HIVEP1: variants seen among roughly 807,000 people sequenced by gnomAD.
HIVEP1 encodes the protein HIVEP zinc finger 1.
Under a neutral mutation model 180.0 loss-of-function variants are expected in HIVEP1, and 36 were observed. The observed-to-expected ratio is 0.20, with a 90% CI of 0.15 to 0.26. The LOEUF is 0.26. Ranked by LOEUF, HIVEP1 falls within the 10% of genes least tolerant of loss-of-function variation. The pLI, the probability that HIVEP1 is intolerant of heterozygous loss-of-function variation, is 1.00. For missense variants in HIVEP1, 3,143 were observed against 3,268.7 expected (o/e 0.96, Z 0.94); for synonymous variants, 1,239 against 1,239.0 (o/e 1.00, Z 0.00).
chr6:12,172,789 CTT>C, the HIVEP1 span, among the ~76,000 whole-genome samples: 8 of 138,612 alleles, frequency 5.8e-5, no homozygotes, highest in South Asian at 4.6e-4. Flanking sequence ...AAACACGGTC[CTT>C]TTTTTTTTTT....
intron 2 of HIVEP1, among the ~76,000 whole-genome samples, chr6:12,035,782 A>C (rs1055077187): frequency 6.6e-6 from 1 of 152,246 alleles, no homozygotes; most frequent in Admixed American, 6.5e-5. Context: ...ATATATAGAA[A>C]GTAGGAAATA....
intron 3 of HIVEP1, among the ~76,000 whole-genome samples, chr6:12,103,060 C>T (rs1774204045): frequency 6.6e-6 from 1 of 151,770 alleles, no homozygotes; most frequent in Non-Finnish European, 1.5e-5. Flanking sequence ...CATTTAGTTT[C>T]ACTGAAGCTA....
chr6:12,077,127 G>A (rs946620468), intron 2 of HIVEP1, among the ~76,000 whole-genome samples: 4 of 152,080 alleles, frequency 2.6e-5, no homozygotes, highest in African/African-American at 7.2e-5. Context: ...TTGTGAACCC[G>A]AGTCATATGC....
At chr6:12,207,767 T>TAATAATAATAATAATAATAATAATA in the HIVEP1 span, among the ~76,000 whole-genome samples, 3 of 18,250 alleles carry the variant, frequency 1.6e-4, no homozygotes, top group Middle Eastern at 0.017. Context: ...TAATAATAAT[T>TAATAATAATAATAATAATAATAATA]AGCCAGGTGT....
At chr6:12,037,416 C>T (rs932067924) in intron 2 of HIVEP1, among the ~76,000 whole-genome samples, 17 of 152,092 alleles carry the variant, frequency 1.1e-4, no homozygotes, top group African/African-American at 3.4e-4. Context: ...TATTGATCAG[C>T]GATGATTTTC....
chr6:12,011,761 C>G (rs915242627), upstream of HIVEP1, among the ~76,000 whole-genome samples: 2 of 148,076 alleles, frequency 1.4e-5, no homozygotes, highest in African/African-American at 4.9e-5. Flanking sequence ...CCCATCCAGT[C>G]CCTACACCCG....
intron 2 of HIVEP1, among the ~76,000 whole-genome samples, chr6:12,051,203 C>T (rs1770518284): frequency 2.0e-5 from 3 of 151,592 alleles, no homozygotes; most frequent in Admixed American, 2.0e-4. Flanking sequence ...ACCAATACCA[C>T]CATTTTTCTT....
At chr6:12,138,095 C>T (rs896337061) in intron 7 of HIVEP1, among the ~76,000 whole-genome samples, 1 of 152,158 alleles carries the variant, frequency 6.6e-6, no homozygotes, top group Non-Finnish European at 1.5e-5. Flanking sequence ...TGGGGGTTTT[C>T]CTTTCAGTTC....
At chr6:12,144,879 G>A (rs565676816) in intron 7 of HIVEP1, among the ~76,000 whole-genome samples, 1 of 152,346 alleles carries the variant, frequency 6.6e-6, no homozygotes, top group African/African-American at 2.4e-5. Context: ...AACAGATGAT[G>A]GAGAGGATGT....
chr6:12,027,846 C>T (rs1768685445), intron 2 of HIVEP1, among the ~76,000 whole-genome samples: 1 of 152,214 alleles, frequency 6.6e-6, no homozygotes, highest in South Asian at 2.1e-4. Flanking sequence ...TTTGAATTCT[C>T]AGTAGTCCCT....
chr6:12,125,326 C>G lies in HIVEP1; in HGVS notation c.5531C>G (p.Ser1844Cys). The change falls in exon 4 of 9, where the codon TCT becomes TGT. Residue 1844 changes from serine (S) to cysteine (C), a missense_variant. Coordinates refer to ENST00000379388, the MANE Select transcript of HIVEP1 (RefSeq NM_002114.4). ...GCTGATAATTCATCAACAGGATGCT[C>G]TAAATTTGTCGTTATAGAACCTATA... ...LPADNSSTGC[S>C]KFVVIEPISE... 1 of 1,614,046 alleles carries G rather than the reference C, an allele frequency of 6.2e-7. No individual in the cohort carries two copies. Among genetic ancestry groups the G allele is most frequent in the Non-Finnish European group, 8.5e-7 (1 of 1,180,004 alleles).
At chr6:12,073,704 G>A (rs561496551) in intron 2 of HIVEP1, among the ~76,000 whole-genome samples, 3 of 152,290 alleles carry the variant, frequency 2.0e-5, no homozygotes, top group East Asian at 3.9e-4. Context: ...ATTAGAAGGA[G>A]GGTTAGTCTC....
At chr6:12,082,444 T>C (rs1446833007) in intron 2 of HIVEP1, among the ~76,000 whole-genome samples, 2 of 152,158 alleles carry the variant, frequency 1.3e-5, no homozygotes, top group Admixed American at 6.5e-5. Context: ...TTTCATAGTC[T>C]CAGGATAGAC....
chr6:12,015,395 CT>C, intron 1 of HIVEP1, 130 bp from the exon 2 acceptor site: 1 of 411,460 alleles, frequency 2.4e-6, no homozygotes, highest in Non-Finnish European at 4.3e-6. Flanking sequence ...AGTTAGTAAT[CT>C]TTTGCAGTGG....
chr6:12,200,084 A>G, the HIVEP1 span, among the ~76,000 whole-genome samples: 70,661 of 151,992 alleles, frequency 0.46, 16,466 homozygotes, highest in East Asian at 0.54. Flanking sequence ...ACTGAGATAG[A>G]AGGCAGGACT....
At chr6:12,008,438 C>G (rs1169459649), upstream of HIVEP1, 2 of 152,222 alleles carry the variant, frequency 1.3e-5, no homozygotes, top group African/African-American at 4.8e-5. Context: ...CGCTGTGCGT[C>G]TAGCAGGAAA....
At chr6:12,013,022 C>T (rs1243481665) in intron 1 of HIVEP1, among the ~76,000 whole-genome samples, 1 of 151,396 alleles carries the variant, frequency 6.6e-6, no homozygotes, top group Non-Finnish European at 1.5e-5. Context: ...GGTTGGGGTG[C>T]GGGTCGGCTC....
intron 2 of HIVEP1, among the ~76,000 whole-genome samples, chr6:12,028,114 G>A (rs975735561): frequency 2.0e-5 from 3 of 152,158 alleles, no homozygotes; most frequent in Admixed American, 6.5e-5. Flanking sequence ...GTGTTAGCAC[G>A]TGGCTCAAAA....
chr6:12,015,902 C>A (rs1767709993), intron 2 of HIVEP1, among the ~76,000 whole-genome samples: 1 of 152,144 alleles, frequency 6.6e-6, no homozygotes, highest in Non-Finnish European at 1.5e-5. Context: ...TCCTTCCAAA[C>A]CATTAGATGG....
Sources: gnomAD v4.1 joint callset for allele counts (sites outside exome capture counted in the v4.1 genomes callset) on GRCh38, gnomAD v4.1.1 for gene constraint, MANE v1.5 for transcripts, NCBI Gene and HGNC (gene_info 2026-07-23, HGNC 2026-07-21) for gene names.